CLDN14: variants seen among roughly 807,000 people sequenced by gnomAD.
CLDN14 encodes the protein claudin-14.
In CLDN14, 2 loss-of-function variants were observed where a neutral mutation model predicts 2.1. That is an observed-to-expected ratio of 0.96 (90% CI 0.39 to 3.01). CLDN14 has a LOEUF of 3.01. Among genes scored for constraint, CLDN14 ranks in the 30% most tolerant of loss-of-function variants. CLDN14 has a pLI of 0.09. For synonymous variants in CLDN14, 136 were observed against 154.4 expected (o/e 0.88, Z 0.88); for missense variants, 298 against 328.0 (o/e 0.91, Z 0.71).
In CLDN14 at chr21:36,460,671, C is replaced by T; in HGVS notation, c.*305G>A. ...GTTTATTCCTGGATCACAAACCAACCCCACTGACCAAACTCCCAAGTCACT... is the reference window on the plus strand; with the variant it reads ...GTTTATTCCTGGATCACAAACCAACTCCACTGACCAAACTCCCAAGTCACT... On this transcript the variant is annotated 3_prime_UTR_variant, in exon 2 of 2. Coordinates refer to ENST00000399135, the MANE Select transcript of CLDN14 (RefSeq NM_001146079.2). The surrounding 1 kb of genome is among the most constrained non-coding windows in gnomAD (Gnocchi z 4.0). The T allele has an allele frequency of 6.1e-6, 2 of 325,278 alleles. No homozygotes were observed. Among genetic ancestry groups the T allele is most frequent in the South Asian group, 7.6e-5 (2 of 26,144 alleles). 20.1% of individuals were successfully genotyped at this position (325,278 alleles called of 1,614,324 possible).
intron 2 of CLDN14, among the ~76,000 whole-genome samples, chr21:36,494,303 C>A (rs1374757574): frequency 6.6e-6 from 1 of 152,128 alleles, no homozygotes; most frequent in Non-Finnish European, 1.5e-5. Flanking sequence ...AGGCCCATTT[C>A]AATCAAAGAA....
At chr21:36,569,968 C>T (rs2087697845) in intron 1 of CLDN14, among the ~76,000 whole-genome samples, 6 of 152,202 alleles carry the variant, frequency 3.9e-5, no homozygotes, top group Admixed American at 3.9e-4. Flanking sequence ...TGTGACAGAG[C>T]CTCAGGAGGT....
chr21:36,552,726 T>C (rs2087571219), intron 1 of CLDN14, among the ~76,000 whole-genome samples: 1 of 63,310 alleles, frequency 1.6e-5, no homozygotes, highest in South Asian at 5.3e-4. Context: ...TCTTCCTGAA[T>C]TGGAAAAAAA....
chr21:36,466,579 T>C (rs1183284481), intron 1 of CLDN14: 1 of 152,214 alleles, frequency 6.6e-6, no homozygotes, highest in Non-Finnish European at 1.5e-5. Context: ...TACCTCCCAC[T>C]GGGTCCCTCC....
chr21:36,461,101 T>A lies in CLDN14; in HGVS notation c.595A>T (p.Arg199Trp). 1 of 1,614,124 alleles carries A rather than the reference T, an allele frequency of 6.2e-7. No homozygotes were observed. Among genetic ancestry groups the A allele is most frequent in the Non-Finnish European group, 8.5e-7 (1 of 1,179,982 alleles). The change falls in exon 2 of 2, where the codon AGG (arginine) becomes TGG (tryptophan). Residue 199 changes from arginine to tryptophan, a missense_variant. Coordinates refer to ENST00000399135, the MANE Select transcript of CLDN14 (RefSeq NM_001146079.2). ...APYRPYQAPP[R>W]ATTTTANTAP... ...GTGTTTGCAGTGGTCGTGGTGGCCC[T>A]GGGCGGGGCCTGGTAGGGCCTGTAG...
chr21:36,574,903 C>T (rs1221627433), intron 1 of CLDN14, among the ~76,000 whole-genome samples: 3 of 152,136 alleles, frequency 2.0e-5, no homozygotes, highest in African/African-American at 7.2e-5. Context: ...AAACCAGTTT[C>T]CAATGCTTCC....
chr21:36,489,131 A>AAAAAAATATATAT, intron 2 of CLDN14, among the ~76,000 whole-genome samples: 2 of 62,738 alleles, frequency 3.2e-5, no homozygotes, highest in Non-Finnish European at 6.0e-5. Context: ...AAAAAAAAAA[A>AAAAAAATATATAT]ATATATATAT....
intron 1 of CLDN14, among the ~76,000 whole-genome samples, chr21:36,521,198 A>T (rs1046056864): frequency 5.3e-5 from 8 of 152,202 alleles, no homozygotes. Flanking sequence ...CCTCTTCCTA[A>T]ATCACCAGGC....
chr21:36,490,949 G>GACACACACACACACACACAC (rs3030068), intron 2 of CLDN14, among the ~76,000 whole-genome samples: 3 of 148,756 alleles, frequency 2.0e-5, no homozygotes, highest in Non-Finnish European at 4.5e-5. Flanking sequence ...CAAGTGCACA[G>GACACACACACACACACACAC]ACACACACAC....
chr21:36,508,152 G>T (rs2087150493), intron 2 of CLDN14, among the ~76,000 whole-genome samples: 1 of 152,118 alleles, frequency 6.6e-6, no homozygotes, highest in African/African-American at 2.4e-5. Flanking sequence ...GTTGTGTTCT[G>T]CAAAATGCAC....
At chr21:36,491,975 C>T (rs994970729) in intron 2 of CLDN14, among the ~76,000 whole-genome samples, 1 of 152,138 alleles carries the variant, frequency 6.6e-6, no homozygotes, top group Non-Finnish European at 1.5e-5. Context: ...CAGACTATGA[C>T]CTTCTTTGGA....
intron 1 of CLDN14, among the ~76,000 whole-genome samples, chr21:36,463,930 TAACAA>T (rs1441821097): frequency 6.6e-6 from 1 of 152,072 alleles, no homozygotes; most frequent in Admixed American, 6.6e-5. Flanking sequence ...AAATAAATAA[TAACAA>T]AACAACGTGG....
intron 1 of CLDN14, among the ~76,000 whole-genome samples, chr21:36,513,218 G>C (rs2087199435): frequency 6.6e-6 from 1 of 152,180 alleles, no homozygotes; most frequent in South Asian, 2.1e-4. Context: ...CTGTCCAGGG[G>C]GCTGCTGAGT....
At position 36,554,884 on chromosome 21, in the gene CLDN14, C is replaced by T. The variant is rs555585015; in HGVS notation, c.-220+21527G>A. Among the ~76,000 whole-genome samples, 322 of 152,314 alleles carry T rather than the reference C, an allele frequency of 2.1e-3. 4 individuals are homozygous for T. Among genetic ancestry groups the T allele is most frequent in the African/African-American group, 6.1e-3 (254 of 41,564 alleles). ...GGGTCTGCAAAGTCTGATGGTCTCC[C>T]CATGACCCTCCAATTCTAAAAGCTC... On this transcript the variant is annotated intron_variant, in intron 1 of 2. Transcript: ENST00000342108.
Position 36,563,015 on chromosome 21 carries a change from T to C in CLDN14, c.-220+13396A>G, listed in dbSNP as rs577549657. On this transcript the variant is annotated intron_variant, in intron 1 of 2. Transcript: ENST00000342108. ...AACATGAACTTGGGTGCTGCAAAAA[T>C]GCAGAATGAAATGTTATCATTCTTC... 3.9e-5 allele frequency among the ~76,000 whole-genome samples: 6 copies of C among 152,268 alleles called. No homozygotes were observed. The East Asian group carries it at 1.2e-3, about 29-fold the overall frequency.
At chr21:36,555,848 TGTGA>T (rs61111248) in intron 1 of CLDN14, among the ~76,000 whole-genome samples, 1,796 of 140,230 alleles carry the variant, frequency 0.013, 10 homozygotes, top group African/African-American at 0.019. Context: ...TGTGTGTGTG[TGTGA>T]GAGAGAGAGA....
At chr21:36,466,593 C>T (rs1004821000) in intron 1 of CLDN14, among the ~76,000 whole-genome samples, 4 of 152,296 alleles carry the variant, frequency 2.6e-5, no homozygotes, top group Admixed American at 6.5e-5. Context: ...TCCCTCCCCA[C>T]GACACGTGGG....
rs1192241657 is a variant in CLDN14 at position 36,498,485 on chromosome 21, G to A, written c.-82+11878C>T. Among the ~76,000 whole-genome samples the A allele has an allele frequency of 2.0e-5, 3 of 152,148 alleles. No homozygotes were observed. The highest frequency in any genetic ancestry group is 2.1e-4 in the South Asian group (1 of 4,826). ...CAACTGGTGGGAAAAATACTTGCACGGCAGCAGGTTGTTTGAATAAAATAG... is the reference window on the plus strand; with the variant it reads ...CAACTGGTGGGAAAAATACTTGCACAGCAGCAGGTTGTTTGAATAAAATAG... On this transcript the variant is annotated intron_variant, in intron 2 of 2. Transcript: ENST00000342108. The surrounding 1 kb of genome is among the most constrained non-coding windows in gnomAD (Gnocchi z 4.9).
chr21:36,524,266 T>G (rs2087305234), intron 1 of CLDN14, among the ~76,000 whole-genome samples: 1 of 152,120 alleles, frequency 6.6e-6, no homozygotes, highest in Non-Finnish European at 1.5e-5. Flanking sequence ...GTCACACGTG[T>G]GTGCCGCCAT....
Sources: allele counts gnomAD v4.1 joint callset (sites outside exome capture counted in the v4.1 genomes callset), GRCh38; gene constraint gnomAD v4.1.1; non-coding constraint Gnocchi (gnomAD v3.1); transcripts MANE v1.5; gene names NCBI Gene and HGNC (gene_info 2026-07-23, HGNC 2026-07-21).